SYT3: variants seen among roughly 807,000 people sequenced by gnomAD.
SYT3 encodes the protein synaptotagmin-3.
A neutral mutation model predicts 50.6 loss-of-function variants in SYT3; 25 were observed. That is an observed-to-expected ratio of 0.49 (90% CI 0.36 to 0.69). The LOEUF (loss-of-function observed/expected upper bound fraction) is 0.69, where lower values mean the gene tolerates loss of function less well. SYT3 is among the 30% of genes least tolerant of loss of function. SYT3 has a pLI of 0.00. For missense variants in SYT3, 589 were observed against 793.6 expected (o/e 0.74, Z 3.10); for synonymous variants, 323 against 353.9 (o/e 0.91, Z 0.98).
intron 4 of SYT3, 50 bp from the exon 5 acceptor site, chr19:50,630,221 C>G: frequency 6.8e-7 from 1 of 1,459,974 alleles, no homozygotes; most frequent in Non-Finnish European, 9.0e-7. Flanking sequence ...CTCTGATCTT[C>G]GACTGCATGC....
chr19:50,641,270 C>T (rs1984672976), upstream of SYT3, among the ~76,000 whole-genome samples: 2 of 149,444 alleles, frequency 1.3e-5, no homozygotes, highest in Admixed American at 6.7e-5. Flanking sequence ...AGCTCCGCCT[C>T]CCGGGTTCAC....
At chr19:50,649,199 C>CAG in the SYT3 span, among the ~76,000 whole-genome samples, 1 of 151,284 alleles carries the variant, frequency 6.6e-6, no homozygotes, top group Non-Finnish European at 1.5e-5. Flanking sequence ...CTCTAGGAGA[C>CAG]AGAGAGAGAT....
intron 6 of SYT3, 42 bp from the exon 7 acceptor site, chr19:50,626,059 C>A: frequency 6.3e-7 from 1 of 1,598,478 alleles, no homozygotes; most frequent in Non-Finnish European, 8.5e-7. Context: ...GCCTCAGCCC[C>A]TCTTCAACTC....
intron 6 of SYT3, among the ~76,000 whole-genome samples, chr19:50,626,714 C>G (rs1984083052): frequency 1.4e-5 from 2 of 143,834 alleles, no homozygotes; most frequent in Admixed American, 1.4e-4. Flanking sequence ...CAGAGAGAGA[C>G]AGAAGCCCAG....
the SYT3 span, among the ~76,000 whole-genome samples, chr19:50,654,281 CATCT>C: frequency 1.2e-4 from 18 of 152,130 alleles, no homozygotes; most frequent in East Asian, 3.3e-3. Context: ...TCCCTCCCTC[CATCT>C]CTCTCTTTTC....
intron 4 of SYT3, among the ~76,000 whole-genome samples, chr19:50,631,725 C>T (rs1984313196): frequency 6.6e-6 from 1 of 151,920 alleles, no homozygotes; most frequent in Non-Finnish European, 1.5e-5. Flanking sequence ...GTTGCGGTTC[C>T]CTGAGTCGCT....
Position 50,625,933 on chromosome 19 carries a change from A to T in SYT3, c.1366T>A (p.Ser456Thr). ...GRLTVTIIKA[S>T]NLKAMDLTGF... ...GTGAGGTCCATCGCTTTGAGGTTAG[A>T]GGCTTTGATGATGGTCACGGTGAGG... is the stretch of plus-strand genomic sequence containing the variant. Residue 456 changes from serine to threonine, a missense_variant, in exon 7 of 11, where the codon TCT (serine) becomes ACT (threonine). By Grantham distance (58) the Ser-to-Thr change is moderately conservative. Transcript: ENST00000600079. The surrounding 1 kb of genome is among the most constrained non-coding windows in gnomAD (Gnocchi z 7.5). The T allele has an allele frequency of 6.2e-7, 1 of 1,614,018 alleles. No homozygotes were observed. Among genetic ancestry groups the T allele is most frequent in the Non-Finnish European group, 8.5e-7 (1 of 1,179,974 alleles).
intron 4 of SYT3, among the ~76,000 whole-genome samples, chr19:50,630,456 CTT>C (rs1462119056): frequency 7.1e-6 from 1 of 140,924 alleles, no homozygotes; most frequent in Non-Finnish European, 1.5e-5. Context: ...AAGTTTTGCT[CTT>C]GTCACCCAGG....
At chr19:50,655,445 T>C in the SYT3 span, among the ~76,000 whole-genome samples, 46 of 151,908 alleles carry the variant, frequency 3.0e-4, no homozygotes, top group Non-Finnish European at 2.6e-4. Flanking sequence ...GGTCATGAGA[T>C]TGAGATCATC....
chr19:50,655,463 A>T, the SYT3 span, among the ~76,000 whole-genome samples: 1 of 152,164 alleles, frequency 6.6e-6, no homozygotes, highest in African/African-American at 2.4e-5. Context: ...ATCCTGGCTA[A>T]CACAGTGAAA....
the SYT3 span, among the ~76,000 whole-genome samples, chr19:50,652,349 C>A: frequency 2.0e-5 from 3 of 152,072 alleles, no homozygotes; most frequent in African/African-American, 7.2e-5. Flanking sequence ...AACACAAGTC[C>A]CTGCCCTTAC....
At chr19:50,628,076 T>C (rs751141571) in intron 6 of SYT3, among the ~76,000 whole-genome samples, 8 of 151,972 alleles carry the variant, frequency 5.3e-5, no homozygotes, top group Non-Finnish European at 1.0e-4. Context: ...ACATCTGTCA[T>C]TGAACAGATG....
chr19:50,638,451 A>C (rs923891258), intron 2 of SYT3, among the ~76,000 whole-genome samples: 2 of 151,552 alleles, frequency 1.3e-5, no homozygotes, highest in Non-Finnish European at 2.9e-5. Context: ...ATGGGGACCA[A>C]GTTGAGGGAG....
upstream of SYT3, among the ~76,000 whole-genome samples, chr19:50,641,972 G>A (rs1424683739): frequency 3.3e-5 from 5 of 152,142 alleles, no homozygotes; most frequent in Admixed American, 6.5e-5. Flanking sequence ...CTTTAAGCAC[G>A]CATCCTGGGC....
rs1402372895 is a variant in SYT3, at chr19:50,639,459, G to A, written c.-153-297C>T. 6.6e-6 allele frequency among the ~76,000 whole-genome samples: 1 copy of A among 151,654 alleles called. No individual in the cohort carries two copies. The highest frequency in any genetic ancestry group is 1.5e-5 in the Non-Finnish European group (1 of 67,872). On this transcript the variant is annotated intron_variant, in intron 1 of 10. Transcript: ENST00000600079. The surrounding 1 kb of genome is among the most constrained non-coding windows in gnomAD (Gnocchi z 4.6). ...AGGTTTTGGGGGGTTAAGATGCTGG[G>A]GTCCCAAGACGCTTCAGGGGAGGGG...
chr19:50,637,298 G>A lies in SYT3; in HGVS notation c.114C>T (p.Asp38=). The change falls in exon 3 of 11, where the codon GAC becomes GAT. Residue 38 remains aspartate, a synonymous_variant. Transcript: ENST00000600079. This position sits in a 1 kb window ranked among gnomAD's most constrained non-coding sequence, Gnocchi z 4.9. ...DTNDRCQEFN[D]RIRGYPRGPD... ...GACCCCGGGGATAGCCTCGGATTCG[G>A]TCATTGAACTCCTGGCACCTGTCGT... is the stretch of plus-strand genomic sequence containing the variant. The A allele has an allele frequency of 1.2e-6, 2 of 1,613,578 alleles. No homozygotes were observed. The highest frequency in any genetic ancestry group is 1.7e-6 in the Non-Finnish European group (2 of 1,179,936).
chr19:50,652,846 A>G, the SYT3 span, among the ~76,000 whole-genome samples: 17 of 152,184 alleles, frequency 1.1e-4, no homozygotes, highest in Middle Eastern at 6.8e-3. Context: ...GGTGAGAGGA[A>G]GGCACCTGGG....
At position 50,633,461 on chromosome 19, in the gene SYT3, T is replaced by C. The variant is rs115959368; in HGVS notation, c.149-650A>G. Among the ~76,000 whole-genome samples the C allele has an allele frequency of 3.8e-3, 585 of 152,310 alleles. 5 individuals carry two copies. Among genetic ancestry groups the C allele is most frequent in the African/African-American group, 0.013 (557 of 41,578 alleles). On this transcript the variant is annotated intron_variant, in intron 3 of 10. Transcript: ENST00000600079. ...TGCCTCTCTATAATAGAACACAACATGTGAGGTAGCACCAAGGTCCTCCAA... is the reference window on the plus strand; with the variant it reads ...TGCCTCTCTATAATAGAACACAACACGTGAGGTAGCACCAAGGTCCTCCAA...
intron 3 of SYT3, among the ~76,000 whole-genome samples, chr19:50,635,156 C>A (rs1437259697): frequency 6.6e-6 from 1 of 152,006 alleles, no homozygotes; most frequent in East Asian, 1.9e-4. Context: ...GATCCGCCCA[C>A]CTCAGCCTCC....
Sources: allele counts gnomAD v4.1 joint callset (sites outside exome capture counted in the v4.1 genomes callset), GRCh38; gene constraint gnomAD v4.1.1; non-coding constraint Gnocchi (gnomAD v3.1); transcripts MANE v1.5; gene names NCBI Gene and HGNC (gene_info 2026-07-23, HGNC 2026-07-21).